DGKH: variants seen among roughly 807,000 people sequenced by gnomAD.
The protein encoded by DGKH is DAG kinase eta.
A neutral mutation model predicts 159.3 loss-of-function variants in DGKH; 90 were observed. That is an observed-to-expected ratio of 0.57 (90% CI 0.48 to 0.67). The LOEUF (loss-of-function observed/expected upper bound fraction) is 0.67. Among genes scored for constraint, DGKH ranks in the 30% least tolerant of loss-of-function variants. The probability of loss-of-function intolerance (pLI) is 0.00; values close to 1 mark genes in which losing one functional copy is unlikely to be tolerated. For missense variants in DGKH, 1,181 were observed against 1,506.1 expected, an observed-to-expected ratio of 0.78 and a Z score of 3.57; for synonymous variants, 536 against 553.8, an observed-to-expected ratio of 0.97 and a Z score of 0.45.
intron 3 of DGKH, among the ~76,000 whole-genome samples, chr13:42,131,576 A>G (rs1299889865): frequency 6.6e-6 from 1 of 152,266 alleles, no homozygotes; most frequent in African/African-American, 2.4e-5. Context: ...AGTGGCTTCT[A>G]TAGAAAAAGA....
chr13:42,193,553 A>G (rs1957134644), intron 16 of DGKH, among the ~76,000 whole-genome samples: 1 of 152,234 alleles, frequency 6.6e-6, no homozygotes, highest in African/African-American at 2.4e-5. Context: ...CCGTATATTA[A>G]TATGATTGAT....
chr13:42,053,483 T>C (rs895437590), intron 1 of DGKH, among the ~76,000 whole-genome samples: 1 of 147,184 alleles, frequency 6.8e-6, no homozygotes, highest in African/African-American at 2.5e-5. Flanking sequence ...TGTATAACTA[T>C]ATAACTATAT....
chr13:42,077,290 A>G (rs1436343148), intron 1 of DGKH, among the ~76,000 whole-genome samples: 2 of 152,008 alleles, frequency 1.3e-5, no homozygotes, highest in East Asian at 3.9e-4. Context: ...TGTGGTTTAG[A>G]TCTCCACTTT....
chr13:42,168,172 G>A (rs184846825), intron 9 of DGKH, among the ~76,000 whole-genome samples: 37 of 152,060 alleles, frequency 2.4e-4, no homozygotes, highest in East Asian at 9.7e-4. Flanking sequence ...TACCTTTCCC[G>A]GTTTCTGCTG....
intron 26 of DGKH, among the ~76,000 whole-genome samples, chr13:42,218,249 A>G (rs1957858842): frequency 6.6e-6 from 1 of 152,176 alleles, no homozygotes; most frequent in Non-Finnish European, 1.5e-5. Flanking sequence ...CCTGCTTTCA[A>G]TGAGTTAATG....
intron 3 of DGKH, among the ~76,000 whole-genome samples, chr13:42,132,714 G>T (rs1286827544): frequency 6.6e-6 from 1 of 152,004 alleles, no homozygotes; most frequent in African/African-American, 2.4e-5. Context: ...CCAGCCTGGG[G>T]AACATAGATT....
chr13:42,252,127 CT>C (rs558846035), intron 29 of DGKH, among the ~76,000 whole-genome samples: 13,667 of 145,466 alleles, frequency 0.094, 675 homozygotes, highest in Non-Finnish European at 0.11. Flanking sequence ...AGAGCTTTTC[CT>C]TTTTTTTTTT....
chr13:42,126,503 C>T (rs549226426), intron 1 of DGKH, among the ~76,000 whole-genome samples: 9 of 152,218 alleles, frequency 5.9e-5, no homozygotes, highest in Admixed American at 1.3e-4. Flanking sequence ...GAGAGGGAAA[C>T]GCTAGATGAG....
intron 17 of DGKH, among the ~76,000 whole-genome samples, chr13:42,197,302 A>G (rs917756705): frequency 6.7e-6 from 1 of 149,890 alleles, no homozygotes; most frequent in Non-Finnish European, 1.5e-5. Flanking sequence ...CCTCTAGGGC[A>G]GCTGGAGTGT....
chr13:42,208,929 A>C (rs761360104), intron 21 of DGKH, 30 bp from the exon 22 acceptor site: 2 of 1,523,576 alleles, frequency 1.3e-6, no homozygotes, highest in African/African-American at 2.7e-5. Flanking sequence ...CTAAACATTC[A>C]GTAGAAGTGT....
At position 42,162,513 on chromosome 13, in the gene DGKH, C is replaced by T. The variant is rs1226927824; in HGVS notation, c.855+2377C>T. Among the ~76,000 whole-genome samples the T allele has an allele frequency of 2.0e-5, 3 of 151,748 alleles. No individual in the cohort carries two copies. In the East Asian group the frequency reaches 5.8e-4, roughly 29 times the overall value. On this transcript the variant is annotated intron_variant, in intron 7 of 29. Coordinates refer to ENST00000337343, the MANE Select transcript of DGKH (RefSeq NM_178009.5). The stretch of plus-strand genomic sequence containing the variant: ...GGGCAACAAGAGCAAAACATCATCT[C>T]AAAAAATAAAAAATAAAAAAACATG...
Position 42,231,473 on chromosome 13 carries a change from T to A in DGKH, c.*2285T>A, listed in dbSNP as rs1471410408. 1 of 152,186 alleles carries A rather than the reference T, an allele frequency of 6.6e-6. No individual in the cohort carries two copies. Among genetic ancestry groups the A allele is most frequent in the African/African-American group, 2.4e-5 (1 of 41,442 alleles). 9.4% of individuals were successfully genotyped at this position (152,186 alleles called of 1,614,324 possible). On this transcript the variant is annotated 3_prime_UTR_variant, in exon 30 of 30. Transcript: ENST00000337343. ...TAGTCCCACCTAAGTGCTGTCCTGC[T>A]CCTGTGAACACTTTCCTGTGCAACC... is the stretch of plus-strand genomic sequence containing the variant.
At chr13:42,122,756 C>T (rs929901304) in intron 1 of DGKH, among the ~76,000 whole-genome samples, 3 of 152,092 alleles carry the variant, frequency 2.0e-5, no homozygotes, top group African/African-American at 4.8e-5. Context: ...AGACTGTTAG[C>T]GTATCTTGTC....
chr13:42,111,178 G>T (rs1594042087), intron 1 of DGKH, among the ~76,000 whole-genome samples: 1 of 51,858 alleles, frequency 1.9e-5, no homozygotes, highest in Admixed American at 1.3e-4. Context: ...ACAGTCTCAA[G>T]GAGGTAATTA....
At chr13:42,243,352 G>A (rs1958550033), downstream of DGKH, among the ~76,000 whole-genome samples, 1 of 152,058 alleles carries the variant, frequency 6.6e-6, no homozygotes, top group Non-Finnish European at 1.5e-5. Context: ...TTATTGCTGA[G>A]TAGTCTCGCA....
intron 3 of DGKH, among the ~76,000 whole-genome samples, chr13:42,145,918 T>G (rs1371129219): frequency 6.6e-6 from 1 of 152,204 alleles, no homozygotes; most frequent in Non-Finnish European, 1.5e-5. Flanking sequence ...GTAAGAGCAG[T>G]AGGCTGAGTG....
chr13:42,132,215 G>A (rs970151025), intron 3 of DGKH, among the ~76,000 whole-genome samples: 1 of 152,182 alleles, frequency 6.6e-6, no homozygotes, highest in Non-Finnish European at 1.5e-5. Context: ...GCAATGTACA[G>A]TGATCAGATC....
intron 6 of DGKH, among the ~76,000 whole-genome samples, chr13:42,159,801 C>T (rs982377939): frequency 1.3e-5 from 2 of 152,196 alleles, no homozygotes; most frequent in African/African-American, 2.4e-5. Flanking sequence ...GCTAAATCTA[C>T]CTGAACCCTG....
In DGKH at chr13:42,155,939, AC is replaced by A. The variant is rs1247399345; in HGVS notation, c.622+141del. On this transcript the variant is annotated intron_variant, in intron 5 of 29. Transcript: ENST00000337343. ...AAATATTTTTGCTCAGGAAAAAAAA[AC>A]ATAGTCATTTAAAGGAAACATACAT... 63 of 1,014,470 alleles carry A rather than the reference AC, an allele frequency of 6.2e-5. 2 individuals carry two copies. The South Asian group carries it at 1.1e-3, about 17-fold the overall frequency. 62.8% of individuals were successfully genotyped at this position (1,014,470 alleles called of 1,614,324 possible).
Sources: allele counts gnomAD v4.1 joint callset (sites outside exome capture counted in the v4.1 genomes callset), GRCh38; gene constraint gnomAD v4.1.1; transcripts MANE v1.5; gene names NCBI Gene and HGNC (gene_info 2026-07-23, HGNC 2026-07-21).